The following FAM199X variants were observed in gnomAD, a reference collection of about 807,000 sequenced individuals.
FAM199X encodes protein FAM199X.
A neutral mutation model predicts 22.9 loss-of-function variants in FAM199X; 4 were observed. The ratio of observed to expected loss-of-function variants is 0.17; its 90% CI spans 0.09 to 0.40. The LOEUF (loss-of-function observed/expected upper bound fraction) is 0.40. FAM199X is among the 10% of genes least tolerant of loss of function. FAM199X has a pLI of 1.00. For missense variants in FAM199X, 183 were observed against 306.8 expected (o/e 0.60, Z 3.01); for synonymous variants, 101 against 112.3 (o/e 0.90, Z 0.64).
At chrX:104,187,718 C>T (rs1423317659) in intron 4 of FAM199X, among the ~76,000 whole-genome samples, 2 of 111,560 alleles carry the variant, frequency 1.8e-5, no homozygotes, top group East Asian at 5.6e-4. Context: ...TGCCTAATCT[C>T]ATCTATTTTA....
chrX:104,187,998 T>A, intron 4 of FAM199X, 42 bp from the exon 5 acceptor site: 1 of 1,187,107 alleles, frequency 8.4e-7, no homozygotes, highest in Non-Finnish European at 1.1e-6. Flanking sequence ...AGGTAGAACA[T>A]CAAGGTGCAA....
chrX:104,158,847 C>A, the FAM199X span, among the ~76,000 whole-genome samples: 1 of 111,503 alleles, frequency 9.0e-6, no homozygotes, highest in East Asian at 2.8e-4. Context: ...TACCTCTGTA[C>A]CTCTTTTGTA....
intron 2 of FAM199X, among the ~76,000 whole-genome samples, chrX:104,181,899 A>G (rs1195681895): frequency 6.4e-5 from 7 of 109,817 alleles, no homozygotes; most frequent in Non-Finnish European, 1.1e-4. Context: ...AATGTCACCA[A>G]TTTTTTTCTG....
chrX:104,172,938 C>T (rs371726454), intron 1 of FAM199X, among the ~76,000 whole-genome samples: 1 of 111,518 alleles, frequency 9.0e-6, no homozygotes, highest in East Asian at 2.8e-4. Context: ...TTGCTCAGGA[C>T]ATAATGTAGA....
rs961895077 is a variant in FAM199X, at chrX:104,191,143, A to T, written c.*1365A>T. 1.8e-5 allele frequency: 2 copies of T among 111,634 alleles called. No individual in the cohort carries two copies. The highest frequency in any genetic ancestry group is 6.5e-5 in the African/African-American group (2 of 30,794). The allele number at this position is 111,634 out of a possible 1,213,427, so 9.2% of individuals were successfully genotyped here. A position where few individuals can be genotyped will look rare whatever the true frequency, so the allele number is the denominator to read the frequency against. On this transcript the variant is annotated 3_prime_UTR_variant, in exon 6 of 6. Coordinates refer to ENST00000493442, the MANE Select transcript of FAM199X (RefSeq NM_207318.4). ...CTGTAATCAATATTTTTCAAACTCT[A>T]AGAGTACAGAGGTTAGTAAGATTTC...
intron 4 of FAM199X, 122 bp from the exon 5 acceptor site, chrX:104,187,918 G>A (rs1020777923): frequency 4.1e-5 from 33 of 803,233 alleles, no homozygotes; most frequent in Non-Finnish European, 4.7e-5. Context: ...TCTACCTTAC[G>A]TATGCATCTG....
chrX:104,157,882 G>A, the FAM199X span, among the ~76,000 whole-genome samples: 1 of 112,021 alleles, frequency 8.9e-6, no homozygotes, highest in African/African-American at 3.2e-5. Context: ...AACGTTTGCA[G>A]TTCTATGGAC....
intron 1 of FAM199X, among the ~76,000 whole-genome samples, chrX:104,172,092 A>G (rs1325678103): frequency 9.0e-6 from 1 of 110,941 alleles, no homozygotes; most frequent in Admixed American, 9.7e-5. Context: ...GATTTTAAAA[A>G]TTTGCAAATT....
In FAM199X at chrX:104,176,887, A is replaced by AT. The variant is rs200876558; in HGVS notation, c.417+1054dup. ...AACAATGCTACACTGAAAAGATGAG[A>AT]TTTTTTTTTAAGAAAAAAAGTAATT... On this transcript the variant is annotated intron_variant, in intron 2 of 5. Coordinates refer to ENST00000493442, the MANE Select transcript of FAM199X (RefSeq NM_207318.4). Among the ~76,000 whole-genome samples, 589 of 110,451 alleles carry AT rather than the reference A, an allele frequency of 5.3e-3. 6 individuals carry two copies. Among genetic ancestry groups the AT allele is most frequent in the Non-Finnish European group, 6.4e-3 (335 of 52,632 alleles).
chrX:104,173,591 G>A (rs1921412892), intron 1 of FAM199X, among the ~76,000 whole-genome samples: 1 of 111,779 alleles, frequency 8.9e-6, no homozygotes, highest in Non-Finnish European at 1.9e-5. Context: ...TGAAGGATGA[G>A]ACACGACCTA....
chrX:104,185,526 T>A (rs1410027328), intron 2 of FAM199X, among the ~76,000 whole-genome samples: 2 of 112,431 alleles, frequency 1.8e-5, no homozygotes, highest in Admixed American at 9.4e-5. Context: ...GAATATATAT[T>A]TATATACTTA....
upstream of FAM199X, among the ~76,000 whole-genome samples, chrX:104,162,549 A>G (rs1230163084): frequency 1.8e-5 from 2 of 112,226 alleles, no homozygotes; most frequent in Non-Finnish European, 3.8e-5. Context: ...CTACTCTTCT[A>G]AAAGCCCAGG....
In FAM199X at chrX:104,166,727, G is replaced by A. The variant is rs1400271564; in HGVS notation, c.-59G>A. The A allele has an allele frequency of 2.8e-6, 3 of 1,082,142 alleles. No individual in the cohort carries two copies. Among genetic ancestry groups the A allele is most frequent in the Non-Finnish European group, 3.7e-6 (3 of 802,437 alleles). The allele number at this position is 1,082,142 out of a possible 1,213,427, so 89.2% of individuals were successfully genotyped here. On this transcript the variant is annotated 5_prime_UTR_variant, in exon 1 of 6. Coordinates refer to ENST00000493442, the MANE Select transcript of FAM199X (RefSeq NM_207318.4). ...GCGGACAGGTTAGAGTGGGGGCAGG[G>A]GCGGGCGCGGGAGCAGCCCAGGGCC... is the stretch of plus-strand genomic sequence containing the variant.
chrX:104,189,552 G>A lies in FAM199X; in HGVS notation c.997-56G>A. 12 of 1,106,101 alleles carry A rather than the reference G, an allele frequency of 1.1e-5. No individual in the cohort carries two copies. The South Asian group carries it at 2.2e-4, about 20-fold the overall frequency. The allele number at this position is 1,106,101 out of a possible 1,213,427, so 91.2% of individuals were successfully genotyped here. ...GAGAATTTGATCCACAAAACATTTT[G>A]GGGTGGATATGCCAAAAACTAAACC... On this transcript the variant is annotated intron_variant, in intron 5 of 5. Coordinates refer to ENST00000493442, the MANE Select transcript of FAM199X (RefSeq NM_207318.4).
intron 5 of FAM199X, among the ~76,000 whole-genome samples, chrX:104,189,047 T>C (rs781949144): frequency 4.5e-5 from 5 of 111,986 alleles, no homozygotes; most frequent in Admixed American, 1.9e-4. Context: ...TCTCTAGATA[T>C]GTGGTCATTC....
intron 1 of FAM199X, among the ~76,000 whole-genome samples, chrX:104,173,828 C>T (rs1381320162): frequency 1.8e-5 from 2 of 112,099 alleles, no homozygotes; most frequent in Admixed American, 9.5e-5. Context: ...GCAATAAATA[C>T]TGTAGACAAA....
At chrX:104,175,969 T>G in intron 2 of FAM199X, 127 bp downstream of exon 2, 1 of 470,047 alleles carries the variant, frequency 2.1e-6, no homozygotes, top group Non-Finnish European at 3.4e-6. Context: ...GGAGATTCTC[T>G]GACATGTTTT....
intron 1 of FAM199X, 122 bp from the exon 2 acceptor site, chrX:104,175,500 CT>C: frequency 1.8e-6 from 1 of 554,454 alleles, no homozygotes; most frequent in South Asian, 3.5e-5. Context: ...GGTAGGGGCT[CT>C]TTTAAAAATA....
chrX:104,165,382 A>G (rs1014944117), upstream of FAM199X, among the ~76,000 whole-genome samples: 3 of 111,493 alleles, frequency 2.7e-5, no homozygotes, highest in Non-Finnish European at 5.7e-5. Context: ...ACAACCCCCC[A>G]CTTCTCCTGC....
Sources: allele counts gnomAD v4.1 joint callset (sites outside exome capture counted in the v4.1 genomes callset), GRCh38; gene constraint gnomAD v4.1.1; transcripts MANE v1.5; gene names NCBI Gene and HGNC (gene_info 2026-07-23, HGNC 2026-07-21).